ZNRF1: variants seen among roughly 807,000 people sequenced by gnomAD.
ZNRF1 encodes the protein E3 ubiquitin-protein ligase ZNRF1.
A neutral mutation model predicts 18.4 loss-of-function variants in ZNRF1; 3 were observed. The observed-to-expected ratio is 0.16, with a 90% CI of 0.07 to 0.42. The LOEUF is 0.42. Among genes scored for constraint, ZNRF1 ranks in the 10% least tolerant of loss-of-function variants. ZNRF1 has a pLI of 0.99. For synonymous variants in ZNRF1, 157 were observed against 144.2 expected (o/e 1.09, Z -0.64); for missense variants, 310 against 329.8 (o/e 0.94, Z 0.47).
chr16:75,011,234 G>T (rs951196878), intron 1 of ZNRF1, among the ~76,000 whole-genome samples: 1 of 152,096 alleles, frequency 6.6e-6, no homozygotes, highest in African/African-American at 2.4e-5. Context: ...AATCCTACAA[G>T]GATTTGAGGG....
intron 2 of ZNRF1, 171 bp from the exon 3 acceptor site, chr16:75,104,613 C>T: frequency 1.8e-6 from 1 of 543,012 alleles, no homozygotes; most frequent in Non-Finnish European, 3.3e-6. Flanking sequence ...GCATTATCTC[C>T]ACGGTGAAAG....
At chr16:75,023,248 CCTT>C (rs1398001202) in intron 1 of ZNRF1, among the ~76,000 whole-genome samples, 2 of 152,152 alleles carry the variant, frequency 1.3e-5, no homozygotes, top group African/African-American at 4.8e-5. Context: ...ATCTCATTCT[CCTT>C]TGAGTTGCTA....
chr16:74,999,581 C>G lies in ZNRF1; in HGVS notation c.-91C>G, dbSNP rs1406447026. The stretch of plus-strand genomic sequence containing the variant: ...CGGGTCTCCTTTTTGACTCCCTCCC[C>G]CTTTATGCTCGCCCAGCCCTCCCCC... On this transcript the variant is annotated 5_prime_UTR_variant, in exon 1 of 5. Transcript: ENST00000335325. 5 of 984,566 alleles carry G rather than the reference C, an allele frequency of 5.1e-6. No homozygotes were observed. The highest frequency in any genetic ancestry group is 6.7e-6 in the Non-Finnish European group (5 of 747,530). The allele number at this position is 984,566 out of a possible 1,614,324, so 61.0% of individuals were successfully genotyped here.
intron 1 of ZNRF1, among the ~76,000 whole-genome samples, chr16:75,064,149 A>G (rs1461876314): frequency 3.3e-5 from 5 of 151,980 alleles, no homozygotes; most frequent in African/African-American, 1.2e-4. Flanking sequence ...AAATACAAAA[A>G]AAACAGCCAG....
At chr16:75,004,857 C>G (rs529897299) in intron 1 of ZNRF1, among the ~76,000 whole-genome samples, 1 of 152,122 alleles carries the variant, frequency 6.6e-6, no homozygotes, top group Non-Finnish European at 1.5e-5. Context: ...TTTAAGCAAT[C>G]CTCCCACCTC....
intron 1 of ZNRF1, among the ~76,000 whole-genome samples, chr16:75,092,297 A>T (rs1229682537): frequency 6.6e-6 from 1 of 152,192 alleles, no homozygotes; most frequent in African/African-American, 2.4e-5. Flanking sequence ...TTGCTGTCTT[A>T]GGGTGGCAGA....
At chr16:75,068,028 A>G (rs1313384264) in intron 1 of ZNRF1, among the ~76,000 whole-genome samples, 3 of 152,042 alleles carry the variant, frequency 2.0e-5, no homozygotes, top group Admixed American at 6.6e-5. Flanking sequence ...CTATTATTAT[A>G]AAAACTTTCA....
chr16:75,024,603 G>A (rs1468346550), intron 1 of ZNRF1, among the ~76,000 whole-genome samples: 1 of 152,204 alleles, frequency 6.6e-6, no homozygotes, highest in Non-Finnish European at 1.5e-5. Flanking sequence ...CTTGTAAGAT[G>A]ACAGGAAGGG....
At chr16:75,035,985 C>T (rs1187906529) in intron 1 of ZNRF1, among the ~76,000 whole-genome samples, 5 of 152,200 alleles carry the variant, frequency 3.3e-5, no homozygotes, top group South Asian at 2.1e-4. Flanking sequence ...GACTACCGTT[C>T]TCTGGCACCA....
intron 1 of ZNRF1, among the ~76,000 whole-genome samples, chr16:75,028,000 G>C (rs552888254): frequency 2.0e-5 from 3 of 152,060 alleles, no homozygotes. Context: ...ATCCACCCAC[G>C]TGCTTGTATA....
chr16:75,047,929 C>T (rs2035537228), intron 1 of ZNRF1, among the ~76,000 whole-genome samples: 1 of 151,308 alleles, frequency 6.6e-6, no homozygotes, highest in Non-Finnish European at 1.5e-5. Context: ...ATGGTCTTCC[C>T]TTTGTATGTG....
At chr16:75,069,692 G>A (rs1363995343) in intron 1 of ZNRF1, among the ~76,000 whole-genome samples, 4 of 152,162 alleles carry the variant, frequency 2.6e-5, no homozygotes, top group Admixed American at 6.5e-5. Flanking sequence ...GATTACAGGC[G>A]TGAGCCATTG....
intron 1 of ZNRF1, among the ~76,000 whole-genome samples, chr16:75,040,042 C>CTTTTTTTTTTTTTTTTTTTTTTT (rs57122648): frequency 3.2e-4 from 25 of 78,890 alleles, no homozygotes; most frequent in African/African-American, 1.2e-3. Context: ...TCTTTTCTTT[C>CTTTTTTTTTTTTTTTTTTTTTTT]TTTTTTTTTT....
At chr16:75,075,744 G>C (rs562415029) in intron 1 of ZNRF1, among the ~76,000 whole-genome samples, 1 of 152,350 alleles carries the variant, frequency 6.6e-6, no homozygotes, top group South Asian at 2.1e-4. Context: ...AGCAAAGGTG[G>C]AGGAGGAGGG....
At chr16:75,038,667 G>GTTTA (rs2035403762) in intron 1 of ZNRF1, among the ~76,000 whole-genome samples, 1 of 152,180 alleles carries the variant, frequency 6.6e-6, no homozygotes, top group Admixed American at 6.5e-5. Flanking sequence ...CTGTAAGCCA[G>GTTTA]TTAAATAAGA....
intron 1 of ZNRF1, among the ~76,000 whole-genome samples, chr16:75,056,351 C>T (rs548961828): frequency 6.6e-6 from 1 of 152,280 alleles, no homozygotes; most frequent in South Asian, 2.1e-4. Context: ...GTGGAAGATT[C>T]CATCGTTTTC....
intron 1 of ZNRF1, among the ~76,000 whole-genome samples, chr16:75,031,763 A>G (rs963202809): frequency 6.6e-6 from 1 of 151,908 alleles, no homozygotes; most frequent in African/African-American, 2.4e-5. Context: ...CGGCTTCTCA[A>G]AGTGTTGGAA....
At chr16:75,021,811 C>CA (rs2035152894) in intron 1 of ZNRF1, among the ~76,000 whole-genome samples, 2 of 152,078 alleles carry the variant, frequency 1.3e-5, no homozygotes, top group Admixed American at 1.3e-4. Context: ...TATTTTTATA[C>CA]ATCTGTTTGC....
intron 1 of ZNRF1, among the ~76,000 whole-genome samples, chr16:75,028,724 C>G (rs958358175): frequency 6.6e-6 from 1 of 152,252 alleles, no homozygotes; most frequent in Non-Finnish European, 1.5e-5. Context: ...TGAAACAGCT[C>G]TTATCAAGGT....
Sources: gnomAD v4.1 joint callset for allele counts (sites outside exome capture counted in the v4.1 genomes callset) on GRCh38, gnomAD v4.1.1 for gene constraint, MANE v1.5 for transcripts, NCBI Gene and HGNC (gene_info 2026-07-23, HGNC 2026-07-21) for gene names.